Variants in CUX1 observed in about 807,000 individuals in gnomAD.
CUX1 encodes the protein protein CASP.
Under a neutral mutation model 158.8 loss-of-function variants are expected in CUX1, and 31 were observed. The observed-to-expected ratio is 0.20, with a 90% CI of 0.15 to 0.26. CUX1 has a LOEUF of 0.26. Among genes scored for constraint, CUX1 ranks in the 10% least tolerant of loss-of-function variants. The probability of loss-of-function intolerance (pLI) is 1.00; values close to 1 mark genes in which losing one functional copy is unlikely to be tolerated. For missense variants in CUX1, 1,589 were observed against 2,014.6 expected (o/e 0.79, Z 4.04); for synonymous variants, 879 against 862.1 (o/e 1.02, Z -0.34).
intron 2 of CUX1, among the ~76,000 whole-genome samples, chr7:102,014,026 A>G (rs1419075525): frequency 1.3e-5 from 2 of 152,030 alleles, no homozygotes; most frequent in African/African-American, 4.8e-5. Context: ...TTAATCTGTT[A>G]TTGAGTAAGG....
At chr7:102,141,289 T>G (rs1434011749) in intron 8 of CUX1, among the ~76,000 whole-genome samples, 1 of 152,170 alleles carries the variant, frequency 6.6e-6, no homozygotes, top group Non-Finnish European at 1.5e-5. Context: ...GGTCTTCAGT[T>G]TCACTTCCCA....
intron 1 of CUX1, among the ~76,000 whole-genome samples, chr7:101,875,378 T>G (rs1799025312): frequency 1.3e-5 from 2 of 152,200 alleles, no homozygotes; most frequent in African/African-American, 2.4e-5. Context: ...TAGACAATGA[T>G]TTCTCTTATT....
intron 11 of CUX1, among the ~76,000 whole-genome samples, chr7:102,180,965 G>A (rs192618004): frequency 1.6e-4 from 23 of 144,826 alleles, no homozygotes; most frequent in African/African-American, 4.9e-4. Context: ...TATTTGAGAC[G>A]GAATTTCGTT....
chr7:102,204,683 C>A, intron 19 of CUX1, 127 bp downstream of exon 19: 6 of 1,238,198 alleles, frequency 4.8e-6, no homozygotes, highest in Middle Eastern at 2.7e-4. Flanking sequence ...CAACCACACT[C>A]CCCACCGTGG....
At chr7:102,045,982 G>A (rs540715373) in intron 3 of CUX1, among the ~76,000 whole-genome samples, 2 of 152,300 alleles carry the variant, frequency 1.3e-5, no homozygotes, top group South Asian at 2.1e-4. Context: ...CCCAGTGCCT[G>A]GGATGTAGTA....
intron 9 of CUX1, among the ~76,000 whole-genome samples, chr7:102,164,133 G>A (rs1476906203): frequency 1.3e-5 from 2 of 152,174 alleles, no homozygotes; most frequent in Non-Finnish European, 2.9e-5. Context: ...GTCCCGTCCG[G>A]GGGCTTTCAG....
intron 3 of CUX1, among the ~76,000 whole-genome samples, chr7:102,039,104 TGG>T (rs905952174): frequency 1.3e-5 from 2 of 152,146 alleles, no homozygotes; most frequent in African/African-American, 4.8e-5. Context: ...GAAAAGCATA[TGG>T]ATTTATTTGC....
chr7:102,013,255 A>T (rs1818235969), intron 2 of CUX1, among the ~76,000 whole-genome samples: 1 of 152,220 alleles, frequency 6.6e-6, no homozygotes, highest in African/African-American at 2.4e-5. Flanking sequence ...AAAATCGCCG[A>T]AGCTAATGTC....
chr7:102,176,161 C>A, intron 10 of CUX1, among the ~76,000 whole-genome samples: 1 of 152,236 alleles, frequency 6.6e-6, no homozygotes, highest in East Asian at 1.9e-4. Flanking sequence ...CCTCTTTGCA[C>A]ACAAAACTTT....
intron 2 of CUX1, among the ~76,000 whole-genome samples, chr7:101,952,703 A>G (rs1809232177): frequency 6.6e-6 from 1 of 151,614 alleles, no homozygotes; most frequent in South Asian, 2.1e-4. Context: ...TGTGTGGCTC[A>G]CTCCCTTTTC....
chr7:102,064,343 C>T (rs1029994013), intron 3 of CUX1, among the ~76,000 whole-genome samples: 1 of 152,172 alleles, frequency 6.6e-6, no homozygotes, highest in African/African-American at 2.4e-5. Flanking sequence ...AGCAACGGTG[C>T]CGGCTCTAAA....
intron 11 of CUX1, 72 bp downstream of exon 11, chr7:102,178,729 C>T (rs1267163567): frequency 6.9e-7 from 1 of 1,448,526 alleles, no homozygotes; most frequent in Non-Finnish European, 9.3e-7. Context: ...CGCACACACA[C>T]ACCCTCTGCC....
intron 2 of CUX1, among the ~76,000 whole-genome samples, chr7:101,965,281 G>A (rs896399808): frequency 9.9e-5 from 15 of 152,194 alleles, no homozygotes; most frequent in Non-Finnish European, 1.5e-5. Flanking sequence ...GCGGCGGGGA[G>A]GGGGCTTCCT....
intron 9 of CUX1, among the ~76,000 whole-genome samples, chr7:102,164,430 A>T (rs1790791112): frequency 6.6e-6 from 1 of 152,206 alleles, no homozygotes; most frequent in African/African-American, 2.4e-5. Context: ...GCGCAGTGGC[A>T]TGTTCTCCTA....
intron 4 of CUX1, among the ~76,000 whole-genome samples, chr7:102,092,511 G>A (rs1828683866): frequency 6.6e-6 from 1 of 152,154 alleles, no homozygotes; most frequent in Admixed American, 6.5e-5. Flanking sequence ...ACTCACAGTG[G>A]GGCTGTGCCC....
rs561151997 is a variant in CUX1, at chr7:102,020,801, A to G, written c.142-7297A>G. On this transcript the variant is annotated intron_variant, in intron 2 of 23. Coordinates refer to ENST00000292535, the MANE Select transcript of CUX1 (RefSeq NM_181552.4). ...AAGCTGAGGCAGGAGAATTGCTTGA[A>G]CCCAGGAGGCAGAGGTTGCAGTGAG... Among the ~76,000 whole-genome samples, 11 of 151,536 alleles carry G rather than the reference A, an allele frequency of 7.3e-5. No individual in the cohort carries two copies. In the South Asian group the frequency reaches 2.3e-3, roughly 32 times the overall value.
intron 14 of CUX1, among the ~76,000 whole-genome samples, chr7:102,196,323 T>C (rs2131976513): frequency 6.6e-6 from 1 of 152,300 alleles, no homozygotes; most frequent in African/African-American, 2.4e-5. Context: ...ACCCGTCAAC[T>C]CTTCCCTGTG....
intron 2 of CUX1, chr7:101,960,852 G>C (rs1185208781): frequency 2.0e-5 from 3 of 152,166 alleles, no homozygotes; most frequent in African/African-American, 7.2e-5. Flanking sequence ...CAGCAAATGT[G>C]TATTAAATGT....
intron 1 of CUX1, among the ~76,000 whole-genome samples, chr7:101,829,871 G>A (rs926443632): frequency 1.3e-5 from 2 of 151,918 alleles, no homozygotes; most frequent in Non-Finnish European, 2.9e-5. Flanking sequence ...GCTGTAAGGA[G>A]CCCCCCTGTT....
Sources: gnomAD v4.1 joint callset for allele counts (sites outside exome capture counted in the v4.1 genomes callset) on GRCh38, gnomAD v4.1.1 for gene constraint, MANE v1.5 for transcripts, NCBI Gene and HGNC (gene_info 2026-07-23, HGNC 2026-07-21) for gene names.